The following C1orf198 variants were observed in gnomAD, a reference collection of about 807,000 sequenced individuals.
The protein encoded by C1orf198 is uncharacterized protein C1orf198.
Under a neutral mutation model 31.4 loss-of-function variants are expected in C1orf198, and 17 were observed. The observed-to-expected ratio is 0.54, with a 90% CI of 0.37 to 0.81. The LOEUF is 0.81. C1orf198 is among the 40% of genes least tolerant of loss of function. C1orf198 has a pLI of 0.00. For missense variants in C1orf198, 401 were observed against 450.3 expected (o/e 0.89, Z 0.99); for synonymous variants, 175 against 193.8 (o/e 0.90, Z 0.81).
At chr1:230,856,924 C>T (rs1669887735) in intron 1 of C1orf198, among the ~76,000 whole-genome samples, 1 of 152,214 alleles carries the variant, frequency 6.6e-6, no homozygotes, top group African/African-American at 2.4e-5. Flanking sequence ...ACAGGGCAAA[C>T]CAGTTCTGCC....
intron 1 of C1orf198, among the ~76,000 whole-genome samples, chr1:230,864,150 T>C (rs1469903417): frequency 6.6e-6 from 1 of 152,200 alleles, no homozygotes; most frequent in Non-Finnish European, 1.5e-5. Flanking sequence ...CCAGCTGTTT[T>C]ATAATGCTCC....
At chr1:230,861,508 T>C (rs1670003420) in intron 1 of C1orf198, among the ~76,000 whole-genome samples, 1 of 152,226 alleles carries the variant, frequency 6.6e-6, no homozygotes, top group Admixed American at 6.5e-5. Context: ...GGAAATACCA[T>C]ATAGCGCGGT....
intron 1 of C1orf198, 193 bp from the exon 2 acceptor site, chr1:230,855,911 CT>C: frequency 7.4e-7 from 1 of 1,352,488 alleles, no homozygotes; most frequent in Non-Finnish European, 9.5e-7. Context: ...ATCTTTCCCG[CT>C]GAGGCTGCCA....
intron 1 of C1orf198, 48 bp downstream of exon 1, chr1:230,868,121 GCCGGGGCGCCT>G: frequency 7.5e-7 from 1 of 1,328,970 alleles, no homozygotes; most frequent in Admixed American, 4.1e-5. Flanking sequence ...TGCCCACCGG[GCCGGGGCGCCT>G]CGGGGCGCCG....
rs80299152 is a variant in C1orf198, at chr1:230,859,133, C to T, written c.334-3415G>A. On this transcript the variant is annotated intron_variant, in intron 1 of 3. Transcript: ENST00000366663. Reference sequence around the variant, plus strand: ...AAGCTCTGATGTCAGCCGTGGACTGCACGCTCTAGCCACAAAAAAGCACTG... The same window carrying T: ...AAGCTCTGATGTCAGCCGTGGACTGTACGCTCTAGCCACAAAAAAGCACTG... 4.2e-3 allele frequency among the ~76,000 whole-genome samples: 641 copies of T among 152,302 alleles called. 3 individuals are homozygous for T. Among genetic ancestry groups the T allele is most frequent in the Non-Finnish European group, 7.0e-3 (479 of 68,028 alleles).
In C1orf198 at chr1:230,868,417, G is replaced by GT. The variant is rs1670176288; in HGVS notation, c.95dup (p.Tyr32Ter). 6.3e-7 allele frequency: 1 copy of GT among 1,590,808 alleles called. No individual in the cohort carries two copies. Among genetic ancestry groups the GT allele is most frequent in the Non-Finnish European group, 8.6e-7 (1 of 1,169,150 alleles). Residue 32 changes from tyrosine (Y) to a stop codon, truncating the protein, a stop_gained and frameshift_variant, in exon 1 of 4, where the codon TAC becomes TAAC. Coordinates refer to ENST00000366663, the MANE Select transcript of C1orf198 (RefSeq NM_032800.3). LOFTEE classifies it high-confidence loss of function. ...LDDRERKRFT[Y>*]FSSLSPMARK... ...TGGCCATGGGGCTCAGCGACGAGAA[G>GT]TAAGTGAAGCGCTTTCGCTCCCGGT... is the stretch of plus-strand genomic sequence containing the variant.
intron 2 of C1orf198, among the ~76,000 whole-genome samples, chr1:230,849,636 G>A (rs560374172): frequency 2.6e-5 from 4 of 152,300 alleles, no homozygotes; most frequent in Non-Finnish European, 4.4e-5. Context: ...TATTTTTAAC[G>A]TCCCACTCAC....
At chr1:230,858,718 T>G (rs1360681052) in intron 1 of C1orf198, among the ~76,000 whole-genome samples, 1 of 152,244 alleles carries the variant, frequency 6.6e-6, no homozygotes, top group Non-Finnish European at 1.5e-5. Context: ...ATGATGGAGC[T>G]GGACTCCCCT....
In C1orf198 at chr1:230,837,814, C is replaced by A. The variant is rs1337291400; in HGVS notation, c.*2038G>T. On this transcript the variant is annotated 3_prime_UTR_variant, in exon 4 of 4. Transcript: ENST00000366663. ...ACATTATTAGAGTTATTGCTGGGTG[C>A]TGGGCCCCAGACGATACTAAGTGAG... 1 of 152,204 alleles carries A rather than the reference C, an allele frequency of 6.6e-6. No homozygotes were observed. Among genetic ancestry groups the A allele is most frequent in the Non-Finnish European group, 1.5e-5 (1 of 68,046 alleles). 9.4% of individuals were successfully genotyped at this position (152,204 alleles called of 1,614,324 possible).
At chr1:230,849,061 G>C (rs1016916524) in intron 2 of C1orf198, among the ~76,000 whole-genome samples, 1 of 152,228 alleles carries the variant, frequency 6.6e-6, no homozygotes, top group Non-Finnish European at 1.5e-5. Flanking sequence ...GCAGACCATA[G>C]GAAGGCAGAG....
In C1orf198 at chr1:230,839,030, G is replaced by T. The variant is rs1398251933; in HGVS notation, c.*822C>A. The T allele has an allele frequency of 6.6e-6, 1 of 152,560 alleles. No individual in the cohort carries two copies. Among genetic ancestry groups the T allele is most frequent in the Non-Finnish European group, 1.5e-5 (1 of 68,128 alleles). The allele number at this position is 152,560 out of a possible 1,614,324, so 9.5% of individuals were successfully genotyped here. Reference sequence around the variant, plus strand: ...TCTGCCGTCTGCCCTGACTCCTGTAGGTGCCCAGTCCGGGGAACAACCAAC... The same window carrying T: ...TCTGCCGTCTGCCCTGACTCCTGTATGTGCCCAGTCCGGGGAACAACCAAC... On this transcript the variant is annotated 3_prime_UTR_variant, in exon 4 of 4. Transcript: ENST00000366663.
At chr1:230,839,943 G>T in intron 3 of C1orf198, 35 bp from the exon 4 acceptor site, 1 of 1,568,000 alleles carries the variant, frequency 6.4e-7, no homozygotes, top group Non-Finnish European at 8.7e-7. Flanking sequence ...AGTAAGACGA[G>T]CCTCTTTTTT....
intron 2 of C1orf198, among the ~76,000 whole-genome samples, chr1:230,845,404 C>T (rs190427738): frequency 1.4e-3 from 212 of 150,972 alleles, no homozygotes; most frequent in African/African-American, 4.9e-3. Context: ...TAAAAATAGG[C>T]CAGGCACGAT....
Position 230,843,021 on chromosome 1 carries a change from C to T in C1orf198, c.927+333G>A, listed in dbSNP as rs1483465678. Among the ~76,000 whole-genome samples the T allele has an allele frequency of 2.0e-5, 3 of 152,234 alleles. No homozygotes were observed. Among genetic ancestry groups the T allele is most frequent in the South Asian group, 4.1e-4 (2 of 4,832 alleles). On this transcript the variant is annotated intron_variant, in intron 3 of 3. Coordinates refer to ENST00000366663, the MANE Select transcript of C1orf198 (RefSeq NM_032800.3). The surrounding 1 kb of genome is among the most constrained non-coding windows in gnomAD (Gnocchi z 4.9). ...ATGGACAGCTCCCAAAAAGAAGGCC[C>T]AACACAGCTTTGAGCTGTGACAGCC... is the stretch of plus-strand genomic sequence containing the variant.
intron 2 of C1orf198, among the ~76,000 whole-genome samples, chr1:230,854,684 T>G (rs928963737): frequency 1.3e-5 from 2 of 152,316 alleles, no homozygotes. Flanking sequence ...CCAAGAACAG[T>G]GTCAGCTGTC....
chr1:230,846,997 G>T (rs978834070), intron 2 of C1orf198, among the ~76,000 whole-genome samples: 1 of 151,714 alleles, frequency 6.6e-6, no homozygotes, highest in African/African-American at 2.4e-5. Flanking sequence ...CAGCTACTTG[G>T]GAGGCTGAGG....
rs905794519 is a variant in C1orf198, at chr1:230,841,129, G to A, written c.928-1221C>T. ...GAAAGAGTGCTGGTTAGGGAGGCAGGGAACTGAGCCTGTCTGTAAGGAGGA... is the reference window on the plus strand; with the variant it reads ...GAAAGAGTGCTGGTTAGGGAGGCAGAGAACTGAGCCTGTCTGTAAGGAGGA... On this transcript the variant is annotated intron_variant, in intron 3 of 3. Transcript: ENST00000366663. 7.9e-5 allele frequency among the ~76,000 whole-genome samples: 12 copies of A among 152,204 alleles called. No homozygotes were observed. In the South Asian group the frequency reaches 1.2e-3, roughly 16 times the overall value.
chr1:230,856,004 G>C, intron 1 of C1orf198: 1 of 1,197,802 alleles, frequency 8.3e-7, no homozygotes. Flanking sequence ...AGATGAGTAG[G>C]AGTGGATGAG....
chr1:230,860,073 T>C (rs942166955), intron 1 of C1orf198, among the ~76,000 whole-genome samples: 1 of 152,212 alleles, frequency 6.6e-6, no homozygotes, highest in Non-Finnish European at 1.5e-5. Flanking sequence ...TTCTTGAACC[T>C]GTTGTTAAAT....
Sources: allele counts gnomAD v4.1 joint callset (sites outside exome capture counted in the v4.1 genomes callset), GRCh38; gene constraint gnomAD v4.1.1; non-coding constraint Gnocchi (gnomAD v3.1); transcripts MANE v1.5; gene names NCBI Gene and HGNC (gene_info 2026-07-23, HGNC 2026-07-21).